Variants in GALNT14 observed in about 807,000 individuals in gnomAD.
GALNT14 encodes the protein polypeptide N-acetylgalactosaminyltransferase 14.
GALNT14 carries 60 observed loss-of-function variants against 77.5 expected under a neutral mutation model. The observed-to-expected ratio is 0.77, with a 90% CI of 0.63 to 0.96. The LOEUF (loss-of-function observed/expected upper bound fraction) is 0.96. Ranked by LOEUF, GALNT14 falls within the 40% of genes least tolerant of loss-of-function variation. GALNT14 has a pLI of 0.00. For synonymous variants in GALNT14, 280 were observed against 281.7 expected (o/e 0.99, Z 0.06); for missense variants, 710 against 731.0 (o/e 0.97, Z 0.33).
the GALNT14 span, among the ~76,000 whole-genome samples, chr2:30,895,986 T>G: frequency 6.6e-6 from 1 of 152,198 alleles, no homozygotes; most frequent in Non-Finnish European, 1.5e-5. Context: ...AGGCCCCCAC[T>G]CTGCCATATA....
intron 13 of GALNT14, among the ~76,000 whole-genome samples, chr2:30,919,968 T>C (rs1487229290): frequency 1.3e-5 from 2 of 152,160 alleles, no homozygotes; most frequent in Non-Finnish European, 2.9e-5. Flanking sequence ...CGTTCATCTT[T>C]TCATAAAGAT....
At chr2:31,037,187 C>T (rs962816138) in intron 1 of GALNT14, among the ~76,000 whole-genome samples, 1 of 152,068 alleles carries the variant, frequency 6.6e-6, no homozygotes, top group Non-Finnish European at 1.5e-5. Flanking sequence ...TCATCCTGTT[C>T]CTCAGACTGG....
chr2:30,956,657 C>G (rs1667391464), intron 4 of GALNT14, among the ~76,000 whole-genome samples: 1 of 152,168 alleles, frequency 6.6e-6, no homozygotes, highest in African/African-American at 2.4e-5. Context: ...CAGGCATGCA[C>G]CACAATGCCT....
intron 6 of GALNT14, among the ~76,000 whole-genome samples, chr2:30,953,412 G>T (rs529159009): frequency 4.7e-5 from 7 of 149,906 alleles, no homozygotes; most frequent in South Asian, 2.1e-4. Flanking sequence ...TGGTTCAAGC[G>T]ATTCTCCTGC....
intron 1 of GALNT14, among the ~76,000 whole-genome samples, chr2:31,082,107 A>G (rs928744773): frequency 6.6e-6 from 1 of 152,222 alleles, no homozygotes; most frequent in Non-Finnish European, 1.5e-5. Context: ...CGCACCAACT[A>G]TAAGTAATAA....
At chr2:30,907,755 A>G (rs1380623984), downstream of GALNT14, among the ~76,000 whole-genome samples, 1 of 149,050 alleles carries the variant, frequency 6.7e-6, no homozygotes, top group Non-Finnish European at 1.5e-5. Context: ...GAGACACAAC[A>G]AAAAAAGAGA....
intron 6 of GALNT14, among the ~76,000 whole-genome samples, chr2:30,952,886 T>A (rs1667114834): frequency 6.6e-6 from 1 of 152,128 alleles, no homozygotes; most frequent in South Asian, 2.1e-4. Context: ...GCCTACTCCA[T>A]CCCCTGCCAA....
intron 6 of GALNT14, among the ~76,000 whole-genome samples, chr2:30,955,378 C>T (rs1667299778): frequency 6.6e-6 from 1 of 152,210 alleles, no homozygotes; most frequent in East Asian, 1.9e-4. Context: ...CAAGTGCAGG[C>T]CTGCTATGGG....
chr2:30,903,328 C>T, the GALNT14 span, among the ~76,000 whole-genome samples: 2 of 152,360 alleles, frequency 1.3e-5, no homozygotes, highest in East Asian at 3.9e-4. Context: ...ATTGCTGCCT[C>T]CTGACATTAA....
intron 13 of GALNT14, among the ~76,000 whole-genome samples, chr2:30,921,280 C>A (rs1012849694): frequency 6.6e-6 from 1 of 152,168 alleles, no homozygotes; most frequent in African/African-American, 2.4e-5. Flanking sequence ...ACCAAGCACA[C>A]TCCTGCCCCA....
At chr2:31,136,656 CAT>C (rs1303231591) in intron 1 of GALNT14, among the ~76,000 whole-genome samples, 3 of 152,150 alleles carry the variant, frequency 2.0e-5, no homozygotes, top group African/African-American at 7.2e-5. Context: ...GATTCCAGAA[CAT>C]AAGTGCTAGA....
At chr2:31,039,551 T>C (rs1672973442) in intron 1 of GALNT14, among the ~76,000 whole-genome samples, 1 of 152,222 alleles carries the variant, frequency 6.6e-6, no homozygotes, top group African/African-American at 2.4e-5. Flanking sequence ...CAGTGGCCAA[T>C]CAGTTCTCAC....
chr2:31,114,798 A>T (rs1488228531), intron 1 of GALNT14: 1 of 717,624 alleles, frequency 1.4e-6, no homozygotes, highest in Admixed American at 2.0e-5. Flanking sequence ...TGCAAGAGAC[A>T]TGGGAAATGA....
At position 30,944,925 on chromosome 2, in the gene GALNT14, G is replaced by A; in HGVS notation, c.760C>T (p.His254Tyr). 3 of 1,610,186 alleles carry A rather than the reference G, an allele frequency of 1.9e-6. No homozygotes were observed. In the South Asian group the frequency reaches 3.3e-5, roughly 18 times the overall value. ...ELRGGFDWSL[H>Y]FQWEQLSPEQ... is the part of the protein sequence containing the mutation. ...GGGGAGAGCTGCTCCCACTGGAAGTGGAGGCTCCAGTCAAACCCTACAACA... is the reference window on the plus strand; with the variant it reads ...GGGGAGAGCTGCTCCCACTGGAAGTAGAGGCTCCAGTCAAACCCTACAACA... The change falls in exon 8 of 15, where the codon CAC becomes TAC. Residue 254 changes from histidine (H) to tyrosine (Y), a missense_variant. Transcript: ENST00000349752.
chr2:30,987,666 CA>C (rs1204943123), intron 2 of GALNT14, among the ~76,000 whole-genome samples: 1 of 152,086 alleles, frequency 6.6e-6, no homozygotes, highest in Admixed American at 6.5e-5. Context: ...ATTCAATCAG[CA>C]CAGCTGCCTG....
At chr2:30,908,039 T>C (rs1664190927), downstream of GALNT14, among the ~76,000 whole-genome samples, 2 of 127,526 alleles carry the variant, frequency 1.6e-5, no homozygotes, top group Non-Finnish European at 3.3e-5. Flanking sequence ...CTCAATAAAT[T>C]AGGTATTGAT....
chr2:31,015,676 A>AC (rs1234117262), intron 1 of GALNT14, among the ~76,000 whole-genome samples: 1 of 152,238 alleles, frequency 6.6e-6, no homozygotes, highest in Non-Finnish European at 1.5e-5. Context: ...GGATGTACTG[A>AC]CAAGGGCTCA....
Position 30,955,616 on chromosome 2 carries a change from A to G in GALNT14, c.654+2T>C. On this transcript the variant is annotated splice_donor_variant, in intron 6 of 14. Coordinates refer to ENST00000349752, the MANE Select transcript of GALNT14 (RefSeq NM_024572.4). LOFTEE classifies it high-confidence loss of function. Reference sequence around the variant, plus strand: ...CCGGCCCTGCTCCTCAGCCTCACTCACCTCTTTGACCCTGTGCAACAGAGG... The same window carrying G: ...CCGGCCCTGCTCCTCAGCCTCACTCGCCTCTTTGACCCTGTGCAACAGAGG... 6.2e-6 allele frequency: 10 copies of G among 1,613,820 alleles called. No homozygotes were observed. Among genetic ancestry groups the G allele is most frequent in the Non-Finnish European group, 8.5e-6 (10 of 1,179,938 alleles).
chr2:30,921,383 C>T (rs1049395402), intron 13 of GALNT14, among the ~76,000 whole-genome samples: 3 of 152,226 alleles, frequency 2.0e-5, no homozygotes, highest in Admixed American at 6.5e-5. Context: ...CTACTCACAA[C>T]ATTTTGCAAA....
Sources: gnomAD v4.1 joint callset for allele counts (sites outside exome capture counted in the v4.1 genomes callset) on GRCh38, gnomAD v4.1.1 for gene constraint, MANE v1.5 for transcripts, NCBI Gene and HGNC (gene_info 2026-07-23, HGNC 2026-07-21) for gene names.